MANEA: variants seen among roughly 807,000 people sequenced by gnomAD.
MANEA encodes mannosidase endo-alpha, also known as glycoprotein endo-alpha-1,2-mannosidase.
In MANEA, 25 loss-of-function variants were observed where a neutral mutation model predicts 36.8. The ratio of observed to expected loss-of-function variants is 0.68; its 90% confidence interval spans 0.50 to 0.95. MANEA has a LOEUF of 0.95. MANEA is among the 40% of genes least tolerant of loss of function. The probability of loss-of-function intolerance (pLI) is 0.00; values close to 1 mark genes in which losing one functional copy is unlikely to be tolerated. For synonymous variants in MANEA, 198 were observed against 188.5 expected (o/e 1.05, Z -0.41); for missense variants, 565 against 558.8 (o/e 1.01, Z -0.11).
At position 95,606,352 on chromosome 6, in the gene MANEA, T is replaced by C. The variant is rs1769712719; in HGVS notation, c.1336T>C (p.Tyr446His). 4.4e-6 allele frequency: 7 copies of C among 1,606,218 alleles called. No individual in the cohort carries two copies. The East Asian group carries it at 6.7e-5, about 15-fold the overall frequency. ...ACTGACTCGCAAGTGGTCTGAAAAA[T>C]ACAGTAAGGAAAGAGCAACTTATGC... is the stretch of plus-strand genomic sequence containing the variant. ...LELTRKWSEK[Y>H]SKERATYALD... The change falls in exon 5 of 5, where the codon TAC becomes CAC. Residue 446 changes from tyrosine (Y) to histidine (H), a missense_variant. By Grantham distance (83) the Tyr-to-His change is moderately conservative (BLOSUM62 2). Transcript: ENST00000358812.
At chr6:95,594,542 G>T (rs1409884982) in intron 2 of MANEA, among the ~76,000 whole-genome samples, 1 of 152,170 alleles carries the variant, frequency 6.6e-6, no homozygotes, top group Non-Finnish European at 1.5e-5. Flanking sequence ...TGAAGTTGTT[G>T]CATGTTGCTG....
At chr6:95,597,287 T>C (rs1465509846) in intron 3 of MANEA, among the ~76,000 whole-genome samples, 1 of 152,058 alleles carries the variant, frequency 6.6e-6, no homozygotes, top group Non-Finnish European at 1.5e-5. Flanking sequence ...CCTGAGTAAA[T>C]ATAGAATACA....
intron 2 of MANEA, chr6:95,587,253 A>C: frequency 2.6e-6 from 1 of 390,246 alleles, no homozygotes; most frequent in Non-Finnish European, 4.7e-6. Context: ...AATTTTATTA[A>C]ATTATGATTT....
In MANEA at chr6:95,605,811, T is replaced by G; in HGVS notation, c.795T>G (p.Phe265Leu). 1.2e-6 allele frequency: 2 copies of G among 1,613,808 alleles called. No homozygotes were observed. Among genetic ancestry groups the G allele is most frequent in the Non-Finnish European group, 1.7e-6 (2 of 1,179,758 alleles). Reference sequence around the variant, plus strand: ...AGACTGGCAATGCTCTTCCTATGTTTTATGTCTATGATTCCTATATTACCA... The same window carrying G: ...AGACTGGCAATGCTCTTCCTATGTTGTATGTCTATGATTCCTATATTACCA... The part of the protein sequence containing the change: ...KTKTGNALPM[F>L]YVYDSYITKP... The change falls in exon 5 of 5, where the codon TTT (phenylalanine) becomes TTG (leucine). Residue 265 changes from phenylalanine to leucine, a missense_variant. Coordinates refer to ENST00000358812, the MANE Select transcript of MANEA (RefSeq NM_024641.4).
At chr6:95,580,211 C>G (rs1769153284) in intron 1 of MANEA, among the ~76,000 whole-genome samples, 3 of 152,062 alleles carry the variant, frequency 2.0e-5, no homozygotes, top group South Asian at 2.1e-4. Flanking sequence ...CACACACACA[C>G]AGATATACAT....
At chr6:95,583,713 C>T (rs890317000) in intron 1 of MANEA, among the ~76,000 whole-genome samples, 6 of 151,536 alleles carry the variant, frequency 4.0e-5, no homozygotes, top group South Asian at 2.1e-4. Context: ...AGAGGGAGCA[C>T]GAGAAGTGGA....
intron 1 of MANEA, among the ~76,000 whole-genome samples, chr6:95,583,536 TAC>T: frequency 6.6e-6 from 1 of 152,098 alleles, no homozygotes; most frequent in Non-Finnish European, 1.5e-5. Context: ...CGTATATATG[TAC>T]ACACACCATA....
chr6:95,601,310 C>T (rs1434104650), intron 3 of MANEA, among the ~76,000 whole-genome samples: 3 of 152,106 alleles, frequency 2.0e-5, no homozygotes, highest in South Asian at 2.1e-4. Context: ...TGGTAGATTC[C>T]GTCATTGTTT....
rs1174765725 is a variant in MANEA, at chr6:95,607,747, AATGTTT to A, written c.*1345_*1350del. ...TAAAATGCACTGTATTCTTACAGTT[AATGTTT>A]ATAACTATAGTAAAAAATTAATATA... On this transcript the variant is annotated 3_prime_UTR_variant, in exon 5 of 5. Coordinates refer to ENST00000358812, the MANE Select transcript of MANEA (RefSeq NM_024641.4). 1.3e-5 allele frequency: 2 copies of A among 151,718 alleles called. No individual in the cohort carries two copies. The highest frequency in any genetic ancestry group is 4.8e-5 in the African/African-American group (2 of 41,422). 9.4% of individuals were successfully genotyped at this position (151,718 alleles called of 1,614,324 possible).
chr6:95,596,827 C>T lies in MANEA; in HGVS notation c.635C>T (p.Ala212Val), dbSNP rs925702080. Residue 212 changes from alanine (A) to valine (V), a missense_variant, in exon 3 of 5, where the codon GCT becomes GTT. Ala to Val is a moderately conservative substitution (Grantham distance 64). Coordinates refer to ENST00000358812, the MANE Select transcript of MANEA (RefSeq NM_024641.4). ...TTGGTACCCACTATTTTGGATAAAG[C>T]TCATAAATATAACCTAAAGGTATTT... ...DNLVPTILDK[A>V]HKYNLKVTFH... is the part of the protein sequence containing the mutation. 3.9e-6 allele frequency: 6 copies of T among 1,554,652 alleles called. No homozygotes were observed. Among genetic ancestry groups the T allele is most frequent in the Non-Finnish European group, 5.3e-6 (6 of 1,126,498 alleles).
At chr6:95,594,176 A>G (rs1356523598) in intron 2 of MANEA, among the ~76,000 whole-genome samples, 1 of 152,164 alleles carries the variant, frequency 6.6e-6, no homozygotes, top group African/African-American at 2.4e-5. Flanking sequence ...TGTTGTAGTT[A>G]AAGGAACGAA....
At chr6:95,580,075 C>T (rs996440056) in intron 1 of MANEA, among the ~76,000 whole-genome samples, 3 of 152,020 alleles carry the variant, frequency 2.0e-5, no homozygotes, top group Non-Finnish European at 1.5e-5. Flanking sequence ...GGTTTTACAG[C>T]GTTGAAGATG....
At chr6:95,594,170 G>A (rs1191029281) in intron 2 of MANEA, among the ~76,000 whole-genome samples, 1 of 152,072 alleles carries the variant, frequency 6.6e-6, no homozygotes, top group Non-Finnish European at 1.5e-5. Context: ...AGAGAATGTT[G>A]TAGTTAAAGG....
chr6:95,586,140 G>A (rs532612391), intron 1 of MANEA, among the ~76,000 whole-genome samples: 4 of 151,994 alleles, frequency 2.6e-5, no homozygotes, highest in African/African-American at 7.3e-5. Context: ...CTAAAGGTTC[G>A]TCTGACTAAA....
intron 2 of MANEA, among the ~76,000 whole-genome samples, chr6:95,594,147 T>TC (rs1303826110): frequency 1.3e-5 from 2 of 151,554 alleles, no homozygotes; most frequent in Non-Finnish European, 2.9e-5. Flanking sequence ...GGGAAAAATG[T>TC]GAGGGAAAAA....
chr6:95,583,374 A>G (rs1769217663), intron 1 of MANEA, among the ~76,000 whole-genome samples: 1 of 152,102 alleles, frequency 6.6e-6, no homozygotes, highest in African/African-American at 2.4e-5. Flanking sequence ...ACATGTATCC[A>G]TATATAACAT....
chr6:95,591,030 A>G (rs1769377385), intron 2 of MANEA, among the ~76,000 whole-genome samples: 1 of 152,250 alleles, frequency 6.6e-6, no homozygotes, highest in African/African-American at 2.4e-5. Context: ...CAATAGATAG[A>G]CAAATATATA....
chr6:95,586,499 C>T lies in MANEA; in HGVS notation c.60C>T (p.Phe20=). Residue 20 remains phenylalanine (F), a synonymous_variant, in exon 2 of 5, where the codon TTC becomes TTT. Coordinates refer to ENST00000358812, the MANE Select transcript of MANEA (RefSeq NM_024641.4). ...IILALFILFI[F]SLMMGLKMLR... The stretch of plus-strand genomic sequence containing the variant: ...TGGCACTTTTTATTCTATTTATTTT[C>T]TCTCTGATGATGGGTTTAAAAATGC... 1 of 1,613,520 alleles carries T rather than the reference C, an allele frequency of 6.2e-7. No individual in the cohort carries two copies. The highest frequency in any genetic ancestry group is 8.5e-7 in the Non-Finnish European group (1 of 1,179,832).
chr6:95,582,303 C>T (rs919600833), intron 1 of MANEA, among the ~76,000 whole-genome samples: 7 of 151,254 alleles, frequency 4.6e-5, no homozygotes, highest in African/African-American at 1.7e-4. Context: ...CCTGCCTCAG[C>T]CTCCCGAGTA....
Sources: gnomAD v4.1 joint callset for allele counts (sites outside exome capture counted in the v4.1 genomes callset) on GRCh38, gnomAD v4.1.1 for gene constraint, MANE v1.5 for transcripts, NCBI Gene and HGNC (gene_info 2026-07-23, HGNC 2026-07-21) for gene names.